The following ZNF33B variants were observed in gnomAD, a reference collection of about 807,000 sequenced individuals.
ZNF33B encodes the protein zinc finger protein 11b (KOX 2).
A neutral mutation model predicts 45.8 loss-of-function variants in ZNF33B; 29 were observed. The observed-to-expected ratio is 0.63, with a 90% CI of 0.47 to 0.86. The LOEUF (loss-of-function observed/expected upper bound fraction) is 0.86. Among genes scored for constraint, ZNF33B ranks in the 40% least tolerant of loss-of-function variants. The pLI is 0.00. For missense variants in ZNF33B, 831 were observed against 909.9 expected, an observed-to-expected ratio of 0.91 and a Z score of 1.12; for synonymous variants, 305 against 307.8, an observed-to-expected ratio of 0.99 and a Z score of 0.10.
chr10:42,580,383 G>C (rs1836806633), intron 1 of ZNF33B, among the ~76,000 whole-genome samples: 1 of 152,044 alleles, frequency 6.6e-6, no homozygotes, highest in African/African-American at 2.4e-5. Context: ...TGGGATTACA[G>C]GTATGTGCCA....
intron 4 of ZNF33B, chr10:42,605,331 C>T (rs1487317139): frequency 6.7e-6 from 1 of 148,854 alleles, no homozygotes. Flanking sequence ...ATCCTGAAAG[C>T]ATCAAGAGAA....
At chr10:42,635,777 T>C (rs1839269677) in intron 2 of ZNF33B, among the ~76,000 whole-genome samples, 1 of 140,378 alleles carries the variant, frequency 7.1e-6, no homozygotes, top group Non-Finnish European at 1.5e-5. Flanking sequence ...ATCACTGTGC[T>C]ACAGCCTGGC....
At chr10:42,595,580 A>G (rs1837362358) in intron 4 of ZNF33B, among the ~76,000 whole-genome samples, 1 of 152,138 alleles carries the variant, frequency 6.6e-6, no homozygotes, top group South Asian at 2.1e-4. Flanking sequence ...GAAGATGGGG[A>G]CTTTAAGGAG....
rs1048388077 is a variant in ZNF33B, at chr10:42,590,932, G to A, written c.*1681C>T. On this transcript the variant is annotated 3_prime_UTR_variant, in exon 5 of 5. Coordinates refer to ENST00000359467, the MANE Select transcript of ZNF33B (RefSeq NM_006955.3). ...GATTTTTACTCTAATTTTTTTCCAG[G>A]TTACTTTGGATTTAATTTGCTCTTC... The A allele has an allele frequency of 6.4e-6, 1 of 155,184 alleles. No homozygotes were observed. The highest frequency in any genetic ancestry group is 1.9e-4 in the East Asian group (1 of 5,184). 9.6% of individuals were successfully genotyped at this position (155,184 alleles called of 1,614,324 possible). A position where few individuals can be genotyped will look rare whatever the true frequency, so the allele number is the denominator to read the frequency against.
intron 4 of ZNF33B, among the ~76,000 whole-genome samples, chr10:42,611,336 G>A (rs982835196): frequency 1.8e-4 from 28 of 151,372 alleles, no homozygotes; most frequent in African/African-American, 4.6e-4. Flanking sequence ...GTGAGACTCC[G>A]TCTCAAAAAA....
intron 1 of ZNF33B, chr10:42,574,713 T>C (rs1159897035): frequency 6.6e-6 from 1 of 152,146 alleles, no homozygotes; most frequent in African/African-American, 2.4e-5. Flanking sequence ...GTGAGGATTA[T>C]ATTATGCTGT....
At chr10:42,606,559 A>C (rs1837862194) in intron 4 of ZNF33B, among the ~76,000 whole-genome samples, 1 of 152,200 alleles carries the variant, frequency 6.6e-6, no homozygotes, top group South Asian at 2.1e-4. Context: ...ATTAAAGCAG[A>C]AATGAAGAAT....
At chr10:42,636,476 T>C (rs1839305875) in intron 2 of ZNF33B, among the ~76,000 whole-genome samples, 2 of 152,208 alleles carry the variant, frequency 1.3e-5, no homozygotes, top group Non-Finnish European at 2.9e-5. Context: ...TCTGTTACTT[T>C]ATATTTTCTG....
chr10:42,621,606 A>G (rs1564520968), intron 4 of ZNF33B, among the ~76,000 whole-genome samples: 1 of 152,180 alleles, frequency 6.6e-6, no homozygotes, highest in East Asian at 1.9e-4. Flanking sequence ...TAAAAAAAGG[A>G]CACGATCATC....
chr10:42,629,953 C>T (rs1838975757), intron 4 of ZNF33B, among the ~76,000 whole-genome samples: 1 of 152,162 alleles, frequency 6.6e-6, no homozygotes. Flanking sequence ...CCCCTTTACC[C>T]TCCCCACTTT....
intron 1 of ZNF33B, among the ~76,000 whole-genome samples, chr10:42,580,691 T>C (rs12771775): frequency 0.13 from 19,346 of 149,266 alleles, 1,577 homozygotes; most frequent in African/African-American, 0.22. Flanking sequence ...GAGGCTGAGG[T>C]GGGTGGATCA....
intron 4 of ZNF33B, among the ~76,000 whole-genome samples, chr10:42,609,710 C>T (rs930992092): frequency 1.3e-5 from 2 of 152,072 alleles, no homozygotes; most frequent in Non-Finnish European, 2.9e-5. Flanking sequence ...AAAAGGATTA[C>T]ATACAATGAT....
downstream of ZNF33B, among the ~76,000 whole-genome samples, chr10:42,585,490 A>G (rs1246017390): frequency 2.0e-5 from 3 of 152,210 alleles, no homozygotes; most frequent in Non-Finnish European, 4.4e-5. Context: ...GGTTCACCAC[A>G]AAGGGTTTGC....
At position 42,591,441 on chromosome 10, in the gene ZNF33B, T is replaced by G. The variant is rs1837119391; in HGVS notation, c.*1172A>C. ...ACAGGATAGATTTTTTTTCAGATAA[T>G]CTGTTATTTTGATTTATAACTTTTA... On this transcript the variant is annotated 3_prime_UTR_variant, in exon 5 of 5. Coordinates refer to ENST00000359467, the MANE Select transcript of ZNF33B (RefSeq NM_006955.3). 5 of 300,288 alleles carry G rather than the reference T, an allele frequency of 1.7e-5. No individual in the cohort carries two copies. The highest frequency in any genetic ancestry group is 2.5e-5 in the Non-Finnish European group (5 of 203,822). 18.6% of individuals were successfully genotyped at this position (300,288 alleles called of 1,614,324 possible).
At chr10:42,595,576 G>A (rs1036999812) in intron 4 of ZNF33B, among the ~76,000 whole-genome samples, 11 of 152,226 alleles carry the variant, frequency 7.2e-5, no homozygotes, top group Non-Finnish European at 1.0e-4. Context: ...ATTTGAAGAT[G>A]GGGACTTTAA....
rs576095576 is a variant in ZNF33B at position 42,590,546 on chromosome 10, G to T, written c.*2067C>A. The T allele has an allele frequency of 6.6e-6, 1 of 151,956 alleles. No homozygotes were observed. Among genetic ancestry groups the T allele is most frequent in the East Asian group, 1.9e-4 (1 of 5,192 alleles). The allele number at this position is 151,956 out of a possible 1,614,324, so 9.4% of individuals were successfully genotyped here. On this transcript the variant is annotated 3_prime_UTR_variant, in exon 5 of 5. Coordinates refer to ENST00000359467, the MANE Select transcript of ZNF33B (RefSeq NM_006955.3). ...ACTATACACGCATGCCACCACGCCCGGCTAACTTTTTGTATTTTTAGCCAC... is the reference window on the plus strand; with the variant it reads ...ACTATACACGCATGCCACCACGCCCTGCTAACTTTTTGTATTTTTAGCCAC...
chr10:42,588,294 G>A (rs560741227), downstream of ZNF33B, among the ~76,000 whole-genome samples: 2 of 152,296 alleles, frequency 1.3e-5, no homozygotes, highest in African/African-American at 2.4e-5. Context: ...GAAGAGATGT[G>A]ACACTCACCT....
chr10:42,629,973 A>G (rs1189701964), intron 4 of ZNF33B, among the ~76,000 whole-genome samples: 1 of 152,172 alleles, frequency 6.6e-6, no homozygotes, highest in East Asian at 1.9e-4. Flanking sequence ...TTAAAATATA[A>G]TTGTCTTAAG....
At chr10:42,574,822 G>A (rs558090243) in intron 1 of ZNF33B, 2 of 152,212 alleles carry the variant, frequency 1.3e-5, no homozygotes, top group African/African-American at 4.8e-5. Context: ...TAGCACAGAG[G>A]ATACCTGTGG....
Sources: gnomAD v4.1 joint callset for allele counts (sites outside exome capture counted in the v4.1 genomes callset) on GRCh38, gnomAD v4.1.1 for gene constraint, MANE v1.5 for transcripts, NCBI Gene and HGNC (gene_info 2026-07-23, HGNC 2026-07-21) for gene names.